The following CNTNAP5 variants were observed in gnomAD, a reference collection of about 807,000 sequenced individuals.
The protein encoded by CNTNAP5 is contactin associated protein family member 5, also known as contactin-associated protein-like 5.
CNTNAP5 carries 72 observed loss-of-function variants against 150.2 expected under a neutral mutation model. That is an observed-to-expected ratio of 0.48 (90% CI 0.40 to 0.58). The LOEUF (loss-of-function observed/expected upper bound fraction) is 0.58. Ranked by LOEUF, CNTNAP5 falls within the 20% of genes least tolerant of loss-of-function variation. CNTNAP5 has a pLI of 0.00. For missense variants in CNTNAP5, 1,636 were observed against 1,626.2 expected, an observed-to-expected ratio of 1.01 and a Z score of -0.10; for synonymous variants, 672 against 619.8, an observed-to-expected ratio of 1.08 and a Z score of -1.25.
intron 13 of CNTNAP5, among the ~76,000 whole-genome samples, chr2:124,711,924 T>G (rs562009056): frequency 1.3e-5 from 2 of 152,286 alleles, no homozygotes; most frequent in East Asian, 1.9e-4. Flanking sequence ...GTAATTTCTA[T>G]TTTTTACTAT....
intron 1 of CNTNAP5, among the ~76,000 whole-genome samples, chr2:124,174,881 C>G (rs942528708): frequency 1.3e-5 from 2 of 152,190 alleles, no homozygotes; most frequent in Non-Finnish European, 2.9e-5. Flanking sequence ...CACAGCCATC[C>G]TAATCTTCAA....
At chr2:124,070,160 A>G (rs1177832329) in intron 1 of CNTNAP5, among the ~76,000 whole-genome samples, 3 of 152,038 alleles carry the variant, frequency 2.0e-5, no homozygotes, top group African/African-American at 7.2e-5. Flanking sequence ...TCTCATGATA[A>G]TCTTAAATCA....
At chr2:124,412,569 A>G (rs1440394186) in intron 3 of CNTNAP5, among the ~76,000 whole-genome samples, 1 of 151,536 alleles carries the variant, frequency 6.6e-6, no homozygotes, top group Admixed American at 6.6e-5. Flanking sequence ...CCTCAGAAAT[A>G]ACGCTGCATA....
intron 3 of CNTNAP5, among the ~76,000 whole-genome samples, chr2:124,270,430 TCAGAGATCA>T (rs1425282730): frequency 5.9e-5 from 9 of 152,224 alleles, no homozygotes; most frequent in Admixed American, 1.3e-4. Flanking sequence ...ACACCTCATT[TCAGAGATCA>T]CAGTGAGGAT....
intron 17 of CNTNAP5, among the ~76,000 whole-genome samples, chr2:124,786,365 AAGAAAGAAAG>A (rs1242775325): frequency 1.6e-5 from 1 of 61,294 alleles, no homozygotes; most frequent in Admixed American, 1.6e-4. Context: ...GAAAGAAAGA[AAGAAAGAAAG>A]AAAGAAAGAA....
chr2:124,338,350 C>G lies in CNTNAP5; in HGVS notation c.382-79093C>G, dbSNP rs184996582. 3.0e-3 allele frequency among the ~76,000 whole-genome samples: 462 copies of G among 152,220 alleles called. 2 individuals are homozygous for G. Among genetic ancestry groups the G allele is most frequent in the African/African-American group, 0.01 (436 of 41,526 alleles). ...GATTTCCTCTTTTCCTAATCGAATA[C>G]CCTTTATTTCTTTCTCCTGCCTGAT... On this transcript the variant is annotated intron_variant, in intron 3 of 23. Coordinates refer to ENST00000682447, the MANE Select transcript of CNTNAP5 (RefSeq NM_001367498.1).
intron 7 of CNTNAP5, among the ~76,000 whole-genome samples, chr2:124,478,047 C>A (rs1225594061): frequency 4.0e-5 from 6 of 151,604 alleles, no homozygotes; most frequent in Admixed American, 3.9e-4. Flanking sequence ...AAAAGAATAT[C>A]TTTATACATA....
rs373323119 is a variant in CNTNAP5 at position 124,879,066 on chromosome 2, GT to G, written c.3436+9305del. 2.5e-4 allele frequency among the ~76,000 whole-genome samples: 38 copies of G among 152,224 alleles called. No homozygotes were observed. In the East Asian group the frequency reaches 7.4e-3, roughly 29 times the overall value. On this transcript the variant is annotated intron_variant, in intron 21 of 23. Coordinates refer to ENST00000682447, the MANE Select transcript of CNTNAP5 (RefSeq NM_001367498.1). ...ATTATTTAAACTTATTTCCTCAGGA[GT>G]CAAGCTGCCTCTGATGGGTTATAAT... is the stretch of plus-strand genomic sequence containing the variant.
intron 13 of CNTNAP5, among the ~76,000 whole-genome samples, chr2:124,658,390 C>G (rs1678503013): frequency 6.6e-6 from 1 of 152,064 alleles, no homozygotes. Flanking sequence ...CTCTGGCACT[C>G]CATGTCTCTA....
intron 13 of CNTNAP5, among the ~76,000 whole-genome samples, chr2:124,693,437 A>G (rs1462137287): frequency 1.3e-5 from 2 of 152,138 alleles, no homozygotes; most frequent in Non-Finnish European, 2.9e-5. Flanking sequence ...GATGAATATC[A>G]TAAGTCATAG....
chr2:124,461,783 C>A (rs1393597850), intron 6 of CNTNAP5, among the ~76,000 whole-genome samples: 1 of 151,376 alleles, frequency 6.6e-6, no homozygotes, highest in Non-Finnish European at 1.5e-5. Flanking sequence ...CTGGAAACCA[C>A]CCAGGAGGTG....
chr2:124,856,099 T>C lies in CNTNAP5; in HGVS notation c.3218-9207T>C, dbSNP rs149697537. 5.1e-3 allele frequency among the ~76,000 whole-genome samples: 773 copies of C among 151,910 alleles called. 4 individuals carry two copies. Among genetic ancestry groups the C allele is most frequent in the Non-Finnish European group, 4.1e-3 (280 of 67,944 alleles). ...TGGTGTGTGTGTGTGTGTGTGTGTG[T>C]GTGTGTGTGTGTGTATAAAAAAATA... On this transcript the variant is annotated intron_variant, in intron 19 of 23. Coordinates refer to ENST00000682447, the MANE Select transcript of CNTNAP5 (RefSeq NM_001367498.1).
Position 124,653,097 on chromosome 2 carries a change from C to T in CNTNAP5, c.2077+5139C>T, listed in dbSNP as rs544088714. Among the ~76,000 whole-genome samples, 37 of 152,308 alleles carry T rather than the reference C, an allele frequency of 2.4e-4. 1 individual carries two copies. The highest frequency in any genetic ancestry group is 6.8e-3 in the Middle Eastern group (2 of 294). On this transcript the variant is annotated intron_variant, in intron 13 of 23. Transcript: ENST00000682447. ...GGAGCCCTAAGAATCCAGAGCCCTA[C>T]AGCATCACAGAACCTCTGTTTACCT...
intron 13 of CNTNAP5, among the ~76,000 whole-genome samples, chr2:124,666,726 C>T (rs1451791681): frequency 2.0e-5 from 3 of 152,104 alleles, no homozygotes; most frequent in Non-Finnish European, 2.9e-5. Context: ...TAAATACTGT[C>T]CTATTCTCTG....
chr2:124,599,133 C>G (rs970286809), intron 11 of CNTNAP5, among the ~76,000 whole-genome samples: 4 of 152,132 alleles, frequency 2.6e-5, no homozygotes, highest in Admixed American at 6.5e-5. Context: ...AGCTGTAGAC[C>G]GGAGCTGTTC....
chr2:124,464,645 A>AT (rs1693334888), intron 6 of CNTNAP5, among the ~76,000 whole-genome samples: 1 of 152,182 alleles, frequency 6.6e-6, no homozygotes, highest in Admixed American at 6.6e-5. Flanking sequence ...CCATCGTCCA[A>AT]TTTTGCCTAT....
chr2:124,711,876 T>G (rs1250602198), intron 13 of CNTNAP5, among the ~76,000 whole-genome samples: 1 of 152,074 alleles, frequency 6.6e-6, no homozygotes, highest in African/African-American at 2.4e-5. Flanking sequence ...ATTTGGACAG[T>G]TCTAGTATTG....
At chr2:124,303,512 G>A (rs1467826472) in intron 3 of CNTNAP5, among the ~76,000 whole-genome samples, 1 of 152,176 alleles carries the variant, frequency 6.6e-6, no homozygotes, top group African/African-American at 2.4e-5. Flanking sequence ...CAAGACAGGT[G>A]TTCAAGTTAG....
chr2:124,492,025 T>C (rs1319533731), intron 7 of CNTNAP5, among the ~76,000 whole-genome samples: 1 of 152,150 alleles, frequency 6.6e-6, no homozygotes, highest in Non-Finnish European at 1.5e-5. Flanking sequence ...TAGTACCCTC[T>C]TATCAGATAG....
Sources: gnomAD v4.1 joint callset for allele counts (sites outside exome capture counted in the v4.1 genomes callset) on GRCh38, gnomAD v4.1.1 for gene constraint, MANE v1.5 for transcripts, NCBI Gene and HGNC (gene_info 2026-07-23, HGNC 2026-07-21) for gene names.